The following CLPTM1 variants were observed in gnomAD, a reference collection of about 807,000 sequenced individuals.
The protein encoded by CLPTM1 is CLPTM1 regulator of GABA type A receptor forward trafficking, also known as putative lipid scramblase CLPTM1.
A neutral mutation model predicts 77.3 loss-of-function variants in CLPTM1; 21 were observed. The observed-to-expected ratio is 0.27, with a 90% confidence interval of 0.19 to 0.39. CLPTM1 has a LOEUF of 0.39. CLPTM1 is among the 10% of genes least tolerant of loss of function. The pLI, the probability that CLPTM1 is intolerant of heterozygous loss-of-function variation, is 1.00. For synonymous variants in CLPTM1, 373 were observed against 381.0 expected, an observed-to-expected ratio of 0.98 and a Z score of 0.24; for missense variants, 642 against 921.2, an observed-to-expected ratio of 0.70 and a Z score of 3.92.
At chr19:44,973,694 G>A (rs1970757585) in intron 3 of CLPTM1, among the ~76,000 whole-genome samples, 1 of 151,278 alleles carries the variant, frequency 6.6e-6, no homozygotes, top group Non-Finnish European at 1.5e-5. Flanking sequence ...TGTCAGTCTA[G>A]GCTTTTCTGA....
In CLPTM1 at chr19:44,987,392, A is replaced by C; in HGVS notation, c.1007A>C (p.Glu336Ala). 1 of 1,613,970 alleles carries C rather than the reference A, an allele frequency of 6.2e-7. No individual in the cohort carries two copies. The highest frequency in any genetic ancestry group is 8.5e-7 in the Non-Finnish European group (1 of 1,179,910). Residue 336 changes from glutamate to alanine, a missense_variant, in exon 8 of 14, where the codon GAG becomes GCG. Glu to Ala is a moderately radical substitution (Grantham distance 107). Transcript: ENST00000337392. ...PWNFLGDELY[E>A]QSDEEQDSVK... ...AACTTCCTGGGTGATGAGTTGTACG[A>C]GCAGTCAGATGAGGAGCAGGACTCG...
Position 44,955,466 on chromosome 19 carries a change from A to C in CLPTM1, c.71A>C (p.Gln24Pro). The change falls in exon 1 of 14, where the codon CAG (glutamine) becomes CCG (proline). Residue 24 changes from glutamine (Q) to proline (P), a missense_variant and splice_region_variant. Around this residue, in one of 2 missense-constraint regions of CLPTM1, gnomAD observed 121 missense variants for 120.8 expected, o/e 1.00. Transcript: ENST00000337392. ...VVAAGGGSSG[Q>P]VTSNGSIGRD... Reference sequence around the variant, plus strand: ...GCGGCCGGGGGAGGCAGCTCCGGTCAGGTACGGAGGCCGAGAGGGGACTGA... The same window carrying C: ...GCGGCCGGGGGAGGCAGCTCCGGTCCGGTACGGAGGCCGAGAGGGGACTGA... 7.6e-7 allele frequency: 1 copy of C among 1,320,068 alleles called. No homozygotes were observed. The highest frequency in any genetic ancestry group is 3.0e-5 in the East Asian group (1 of 32,958). 81.8% of individuals were successfully genotyped at this position (1,320,068 alleles called of 1,614,324 possible).
chr19:44,989,605 A>G (rs571353239), intron 9 of CLPTM1, among the ~76,000 whole-genome samples: 2 of 152,176 alleles, frequency 1.3e-5, no homozygotes. Context: ...GGGATGGGGT[A>G]GGGTGCACAT....
intron 2 of CLPTM1, among the ~76,000 whole-genome samples, chr19:44,963,535 C>A (rs147901416): frequency 0.14 from 21,535 of 151,632 alleles, 1,821 homozygotes; most frequent in East Asian, 0.27. Flanking sequence ...CCGTGTTAGC[C>A]AGGATGGTCT....
intron 2 of CLPTM1, among the ~76,000 whole-genome samples, chr19:44,962,414 T>C (rs1162879632): frequency 2.6e-5 from 4 of 152,140 alleles, no homozygotes; most frequent in African/African-American, 4.8e-5. Context: ...AGGAAATTCA[T>C]TGTCTTACAG....
At chr19:44,987,515 C>G (rs1401478808) in intron 8 of CLPTM1, 92 bp downstream of exon 8, 7 of 1,518,212 alleles carry the variant, frequency 4.6e-6, no homozygotes, top group Non-Finnish European at 6.2e-6. Flanking sequence ...TGTGGGACCT[C>G]CCGCCTGGTG....
upstream of CLPTM1, chr19:44,955,370 C>CGGGGGGGGGGGGGGGGGG: frequency 8.4e-6 from 4 of 477,154 alleles, no homozygotes; most frequent in Non-Finnish European, 1.1e-5. Flanking sequence ...GGGCTGGCGG[C>CGGGGGGGGGGGGGGGGGG]GGGGGCGGGG....
intron 4 of CLPTM1, 53 bp downstream of exon 4, chr19:44,974,650 G>A (rs558609048): frequency 1.4e-6 from 2 of 1,441,728 alleles, no homozygotes; most frequent in East Asian, 2.5e-5. Context: ...GGCACTGAAG[G>A]ACCTTTTCCT....
intron 1 of CLPTM1, among the ~76,000 whole-genome samples, chr19:44,956,250 G>T (rs1453722203): frequency 6.6e-6 from 1 of 152,172 alleles, no homozygotes; most frequent in Admixed American, 6.6e-5. Flanking sequence ...AGGAGTGCGG[G>T]TTGAGAGGGG....
Position 44,973,214 on chromosome 19 carries a change from A to G in CLPTM1, c.309+4A>G. 6.2e-7 allele frequency: 1 copy of G among 1,613,928 alleles called. No individual in the cohort carries two copies. The highest frequency in any genetic ancestry group is 8.5e-7 in the Non-Finnish European group (1 of 1,179,884). On this transcript the variant is annotated splice_donor_region_variant and intron_variant, in intron 3 of 13. Coordinates refer to ENST00000337392, the MANE Select transcript of CLPTM1 (RefSeq NM_001294.4). Reference sequence around the variant, plus strand: ...GTTCCCCAAAGACACTTTAATGGTAACTGCCGGGTGGTAGGGCAGACTTGG... The same window carrying G: ...GTTCCCCAAAGACACTTTAATGGTAGCTGCCGGGTGGTAGGGCAGACTTGG...
chr19:44,974,026 C>T (rs1258642197), intron 3 of CLPTM1, among the ~76,000 whole-genome samples: 1 of 152,014 alleles, frequency 6.6e-6, no homozygotes. Flanking sequence ...GGCCTCCCAA[C>T]GTGCTGGGAT....
intron 2 of CLPTM1, among the ~76,000 whole-genome samples, 171 bp from the exon 3 acceptor site, chr19:44,972,916 G>A (rs2122278072): frequency 6.6e-6 from 1 of 152,202 alleles, no homozygotes; most frequent in African/African-American, 2.4e-5. Context: ...GTGGTCTTTA[G>A]GGACATCTTA....
At chr19:44,966,794 GAAA>G (rs958234768) in intron 2 of CLPTM1, among the ~76,000 whole-genome samples, 22 of 142,796 alleles carry the variant, frequency 1.5e-4, no homozygotes, top group African/African-American at 5.6e-4. Flanking sequence ...GTTCAACGTG[GAAA>G]AAAAAAAAGC....
intron 1 of CLPTM1, among the ~76,000 whole-genome samples, chr19:44,959,374 A>T (rs1970510476): frequency 6.7e-6 from 1 of 150,164 alleles, no homozygotes; most frequent in Admixed American, 6.6e-5. Flanking sequence ...TTTGTTTTTG[A>T]GACAGAGTCA....
At chr19:44,987,831 C>G in intron 8 of CLPTM1, 1 of 582,676 alleles carries the variant, frequency 1.7e-6, no homozygotes, top group Non-Finnish European at 3.1e-6. Context: ...CTCCCAGTGT[C>G]CCTTCACCCA....
chr19:44,973,357 G>A (rs1970752776), intron 3 of CLPTM1, 147 bp downstream of exon 3: 3 of 1,034,956 alleles, frequency 2.9e-6, no homozygotes, highest in Non-Finnish European at 4.2e-6. Context: ...GGAACTCTGG[G>A]CCCATCCCCA....
upstream of CLPTM1, chr19:44,955,022 G>A (rs1970435135): frequency 6.5e-7 from 1 of 1,535,728 alleles, no homozygotes; most frequent in Non-Finnish European, 8.7e-7. Flanking sequence ...GGAACGAAAA[G>A]GACGCGAAGA....
At chr19:44,961,163 G>C (rs978508881) in intron 1 of CLPTM1, among the ~76,000 whole-genome samples, 1 of 152,172 alleles carries the variant, frequency 6.6e-6, no homozygotes, top group Admixed American at 6.5e-5. Context: ...CTCAGCAGCC[G>C]GATGGAGCTG....
At chr19:44,983,690 C>T (rs111869796) in intron 5 of CLPTM1, among the ~76,000 whole-genome samples, 14,259 of 147,648 alleles carry the variant, frequency 0.097, 1,133 homozygotes, top group African/African-American at 0.22. Flanking sequence ...GGGCCAGGTG[C>T]GGCAGCTCAC....
Sources: allele counts gnomAD v4.1 joint callset (sites outside exome capture counted in the v4.1 genomes callset), GRCh38; gene constraint gnomAD v4.1.1; regional missense constraint gnomAD v4.1.1; transcripts MANE v1.5; gene names NCBI Gene and HGNC (gene_info 2026-07-23, HGNC 2026-07-21).